The following DIAPH2 variants were observed in gnomAD, a reference collection of about 807,000 sequenced individuals.
The protein encoded by DIAPH2 is protein diaphanous homolog 2.
In DIAPH2, 35 loss-of-function variants were observed where a neutral mutation model predicts 92.7. The ratio of observed to expected loss-of-function variants is 0.38; its 90% confidence interval spans 0.29 to 0.50. The LOEUF is 0.50. DIAPH2 is among the 20% of genes least tolerant of loss of function. The pLI, the probability that DIAPH2 is intolerant of heterozygous loss-of-function variation, is 0.94. For synonymous variants in DIAPH2, 301 were observed against 280.4 expected (o/e 1.07, Z -0.73); for missense variants, 701 against 819.5 (o/e 0.86, Z 1.77).
intron 4 of DIAPH2, among the ~76,000 whole-genome samples, chrX:96,778,868 A>G (rs890112255): frequency 2.7e-5 from 3 of 111,924 alleles, no homozygotes; most frequent in African/African-American, 9.7e-5. Flanking sequence ...GTTCTTCCTC[A>G]GTACATCACA....
intron 4 of DIAPH2, among the ~76,000 whole-genome samples, chrX:96,833,022 T>C (rs963953764): frequency 1.8e-5 from 2 of 111,536 alleles, no homozygotes; most frequent in African/African-American, 6.5e-5. Flanking sequence ...CCAGTGTGTG[T>C]GTGACACCAA....
Position 96,841,391 on chromosome X carries a change from C to A in DIAPH2, c.448-40188C>A, listed in dbSNP as rs990604990. Among the ~76,000 whole-genome samples the A allele has an allele frequency of 5.4e-4, 60 of 111,761 alleles. 1 individual carries two copies. Among genetic ancestry groups the A allele is most frequent in the African/African-American group, 1.9e-3 (59 of 30,776 alleles). On this transcript the variant is annotated intron_variant, in intron 4 of 26. Transcript: ENST00000324765. ...GTGTTCAATTTGTTCACATTTCAAC[C>A]TCTTAAGTAATGAAATATCTTCTGA...
chrX:97,397,995 T>C (rs1167698174), intron 25 of DIAPH2, among the ~76,000 whole-genome samples: 4 of 112,390 alleles, frequency 3.6e-5, no homozygotes, highest in Admixed American at 9.4e-5. Context: ...CAATCCAACT[T>C]GAAAAGGGGA....
At position 97,526,756 on chromosome X, in the gene DIAPH2, A is replaced by G. The variant is rs561948892; in HGVS notation, c.3242-72497A>G. Reference sequence around the variant, plus strand: ...AAACTGTTGTACCTCCAAGTACTCTAAAATTCTCTTATTTGAACATGTCCA... The same window carrying G: ...AAACTGTTGTACCTCCAAGTACTCTGAAATTCTCTTATTTGAACATGTCCA... On this transcript the variant is annotated intron_variant, in intron 26 of 26. Transcript: ENST00000324765. Among the ~76,000 whole-genome samples the G allele has an allele frequency of 1.7e-4, 19 of 111,709 alleles. No individual in the cohort carries two copies. In the South Asian group the frequency reaches 5.6e-3, roughly 33 times the overall value.
At chrX:97,135,644 C>A (rs182725172) in intron 21 of DIAPH2, among the ~76,000 whole-genome samples, 1 of 111,536 alleles carries the variant, frequency 9.0e-6, no homozygotes, top group African/African-American at 3.3e-5. Context: ...TCTTAAATTC[C>A]AAGTGTGCAT....
At chrX:97,187,075 A>G (rs759238566) in intron 22 of DIAPH2, among the ~76,000 whole-genome samples, 1 of 111,000 alleles carries the variant, frequency 9.0e-6, no homozygotes, top group South Asian at 3.9e-4. Context: ...ATTCCACTCT[A>G]TCCATATGCT....
At chrX:97,521,281 A>G (rs779100506) in intron 26 of DIAPH2, among the ~76,000 whole-genome samples, 1 of 112,291 alleles carries the variant, frequency 8.9e-6, no homozygotes, top group South Asian at 3.7e-4. Context: ...AGTCTATGGT[A>G]TTTTGTTATA....
intron 23 of DIAPH2, among the ~76,000 whole-genome samples, chrX:97,326,107 A>G (rs2068948928): frequency 8.9e-6 from 1 of 112,564 alleles, no homozygotes; most frequent in African/African-American, 3.2e-5. Flanking sequence ...GAAGTCTAAC[A>G]AAAAATATTC....
intron 4 of DIAPH2, among the ~76,000 whole-genome samples, chrX:96,814,447 A>G (rs2064714270): frequency 9.0e-6 from 1 of 111,518 alleles, no homozygotes; most frequent in Admixed American, 9.5e-5. Flanking sequence ...CTAGGTTTTT[A>G]GCTTCCTTGC....
At chrX:97,387,184 G>T (rs1453060747) in intron 25 of DIAPH2, among the ~76,000 whole-genome samples, 3 of 111,623 alleles carry the variant, frequency 2.7e-5, no homozygotes, top group African/African-American at 9.8e-5. Flanking sequence ...GAAGCAGAAA[G>T]AATGTATTAG....
chrX:97,566,897 T>A (rs1429032139), intron 26 of DIAPH2, among the ~76,000 whole-genome samples: 1 of 111,838 alleles, frequency 8.9e-6, no homozygotes, highest in Non-Finnish European at 1.9e-5. Context: ...ATATAAACGC[T>A]GATTATATCT....
intron 4 of DIAPH2, among the ~76,000 whole-genome samples, chrX:96,839,961 T>C (rs2064924833): frequency 8.9e-6 from 1 of 112,041 alleles, no homozygotes; most frequent in Admixed American, 9.5e-5. Flanking sequence ...AAACCACATA[T>C]GTAATTTAAA....
At chrX:97,259,208 T>C (rs1403364241) in intron 23 of DIAPH2, among the ~76,000 whole-genome samples, 1 of 109,334 alleles carries the variant, frequency 9.1e-6, no homozygotes, top group Non-Finnish European at 1.9e-5. Context: ...TCATGAGTAG[T>C]CCCAGCTACT....
At chrX:97,289,923 G>T (rs1021881492) in intron 23 of DIAPH2, among the ~76,000 whole-genome samples, 6 of 109,640 alleles carry the variant, frequency 5.5e-5, no homozygotes, top group African/African-American at 2.0e-4. Context: ...ACAGCTTTTT[G>T]CCATGTTGGC....
intron 25 of DIAPH2, among the ~76,000 whole-genome samples, chrX:97,389,190 C>T (rs941232424): frequency 1.8e-5 from 2 of 110,419 alleles, no homozygotes; most frequent in Admixed American, 9.6e-5. Context: ...GCCTATCGGC[C>T]GAGTGCAGAG....
intron 20 of DIAPH2, among the ~76,000 whole-genome samples, chrX:97,108,244 C>T (rs1341846770): frequency 9.0e-6 from 1 of 110,809 alleles, no homozygotes; most frequent in Non-Finnish European, 1.9e-5. Flanking sequence ...TAGACAAGTA[C>T]ATCGTAACAC....
chrX:96,918,805 G>A (rs2065522286), intron 9 of DIAPH2, among the ~76,000 whole-genome samples, 188 bp downstream of exon 9: 1 of 112,026 alleles, frequency 8.9e-6, no homozygotes, highest in Admixed American at 9.5e-5. Flanking sequence ...TATTATAAAT[G>A]TGGCAGTTAT....
chrX:97,164,414 T>G (rs1167906890), intron 22 of DIAPH2, among the ~76,000 whole-genome samples: 1 of 111,688 alleles, frequency 9.0e-6, no homozygotes, highest in Non-Finnish European at 1.9e-5. Context: ...CAATCTTTAC[T>G]GTCTGTCGGC....
At position 97,315,342 on chromosome X, in the gene DIAPH2, A is replaced by G. The variant is rs149564174; in HGVS notation, c.2845-32774A>G. Among the ~76,000 whole-genome samples, 22 of 111,982 alleles carry G rather than the reference A, an allele frequency of 2.0e-4. 1 individual carries two copies. The East Asian group carries it at 5.9e-3, about 30-fold the overall frequency. On this transcript the variant is annotated intron_variant, in intron 23 of 26. Transcript: ENST00000324765. ...AACAAAACAAAACAAGTACACAAAT[A>G]AAGCAAGTAATATAAGGCATGATAT...
Sources: gnomAD v4.1 joint callset for allele counts (sites outside exome capture counted in the v4.1 genomes callset) on GRCh38, gnomAD v4.1.1 for gene constraint, MANE v1.5 for transcripts, NCBI Gene and HGNC (gene_info 2026-07-23, HGNC 2026-07-21) for gene names.